The following RTEL1 variants were observed in gnomAD, a reference collection of about 807,000 sequenced individuals.
RTEL1 encodes the protein regulator of telomere elongation helicase 1, also known as regulator of telomere length.
Under a neutral mutation model 162.2 loss-of-function variants are expected in RTEL1, and 86 were observed. The observed-to-expected ratio is 0.53, with a 90% CI of 0.45 to 0.63. The LOEUF (loss-of-function observed/expected upper bound fraction) is 0.63. Among genes scored for constraint, RTEL1 ranks in the 30% least tolerant of loss-of-function variants. RTEL1 has a pLI of 0.00. For missense variants in RTEL1, 1,941 were observed against 1,750.2 expected (o/e 1.11, Z -1.95); for synonymous variants, 958 against 717.9 (o/e 1.33, Z -5.35).
Position 63,672,579 on chromosome 20 carries a change from C to T in RTEL1, c.723C>T (p.Asp241=), listed in dbSNP as rs755475482. 1.8e-5 allele frequency: 28 copies of T among 1,586,228 alleles called. No homozygotes were observed. The highest frequency in any genetic ancestry group is 2.4e-5 in the Non-Finnish European group (28 of 1,164,196). ...AGAGCCGCAGAGCACACAACATTGA[C>T]CTGAAGGGGACAGTCGTGATCTTTG... ...DAKSRRAHNI[D]LKGTVVIFDE... is the part of the protein sequence containing the mutation. Residue 241 remains aspartate (D), a synonymous_variant, in exon 9 of 35, where the codon GAC becomes GAT. Transcript: ENST00000360203.
chr20:63,685,825 C>T lies in RTEL1; in HGVS notation c.1301C>T (p.Thr434Met), dbSNP rs77086616. ...CATCCTGATGCTGGTCACCGGAGGA[C>T]GGCTCAGCGGTCTGATGCCTGGAGC... ...HIHPDAGHRR[T>M]AQRSDAWSTT... The change falls in exon 16 of 35, where the codon ACG (threonine) becomes ATG (methionine). Residue 434 changes from threonine (T) to methionine (M), a missense_variant. Transcript: ENST00000360203. The T allele has an allele frequency of 8.1e-4, 1,314 of 1,612,632 alleles. 18 individuals are homozygous for T. In the East Asian group the frequency reaches 0.017, roughly 21 times the overall value.
At chr20:63,688,422 G>C (rs1246548492) in intron 20 of RTEL1, 36 bp downstream of exon 20, 3 of 1,608,554 alleles carry the variant, frequency 1.9e-6, no homozygotes, top group African/African-American at 2.7e-5. Context: ...GGGTGGGTGA[G>C]GGCAGGGCTG....
intron 28 of RTEL1, chr20:63,692,471 G>A (rs551731024): frequency 7.2e-5 from 28 of 389,830 alleles, no homozygotes; most frequent in East Asian, 1.0e-4. Flanking sequence ...AGCCTCAGCC[G>A]CATCCGCTGT....
At chr20:63,690,034 T>C (rs1441540663) in intron 24 of RTEL1, 53 bp from the exon 25 acceptor site, 12 of 1,590,852 alleles carry the variant, frequency 7.5e-6, no homozygotes, top group East Asian at 6.7e-5. Context: ...TTCGGTGAAC[T>C]GAACCCTTGA....
chr20:63,691,613 C>G lies in RTEL1; in HGVS notation c.2557-129C>G, dbSNP rs139005214. 7.2e-5 allele frequency: 53 copies of G among 739,512 alleles called. No homozygotes were observed. The East Asian group carries it at 1.3e-3, about 19-fold the overall frequency. The allele number at this position is 739,512 out of a possible 1,614,324, so 45.8% of individuals were successfully genotyped here. ...GGCACTGTCACCGGGGTGTGCTGTGCCCCCCTCCCCCGACCTCCATCTTGG... is the reference window on the plus strand; with the variant it reads ...GGCACTGTCACCGGGGTGTGCTGTGGCCCCCTCCCCCGACCTCCATCTTGG... On this transcript the variant is annotated intron_variant, in intron 27 of 34. Transcript: ENST00000360203.
At position 63,696,013 on chromosome 20, in the gene RTEL1, C is replaced by T; in HGVS notation, c.*155C>T. The T allele has an allele frequency of 1.4e-6, 1 of 720,380 alleles. No homozygotes were observed. Among genetic ancestry groups the T allele is most frequent in the Non-Finnish European group, 2.3e-6 (1 of 443,818 alleles). 44.6% of individuals were successfully genotyped at this position (720,380 alleles called of 1,614,324 possible). ...GGCAGGCGGGGCCCATGGTTGGTCC[C>T]TGCGGTGGGACCGGATCTGGGCCTG... On this transcript the variant is annotated 3_prime_UTR_variant, in exon 35 of 35. Coordinates refer to ENST00000360203, the MANE Select transcript of RTEL1 (RefSeq NM_001283009.2).
chr20:63,666,033 C>T lies in RTEL1; in HGVS notation c.568C>T (p.Pro190Ser). 6.2e-7 allele frequency: 1 copy of T among 1,614,026 alleles called. No homozygotes were observed. Among genetic ancestry groups the T allele is most frequent in the Non-Finnish European group, 8.5e-7 (1 of 1,179,952 alleles). ...AAGCCTGGAGCAGGAGCTGGCCAGCCCCATCCTGGACATTGAGGACTTGGT... is the reference window on the plus strand; with the variant it reads ...AAGCCTGGAGCAGGAGCTGGCCAGCTCCATCCTGGACATTGAGGACTTGGT... ...EKSLEQELASPILDIEDLVKS... is the reference protein window; with the variant it reads ...EKSLEQELASSILDIEDLVKS... Residue 190 changes from proline (P) to serine (S), a missense_variant, in exon 7 of 35, where the codon CCC becomes TCC. Coordinates refer to ENST00000360203, the MANE Select transcript of RTEL1 (RefSeq NM_001283009.2).
At chr20:63,680,539 C>G in intron 13 of RTEL1, 125 bp from the exon 14 acceptor site, 1 of 989,886 alleles carries the variant, frequency 1.0e-6, no homozygotes, top group Non-Finnish European at 1.5e-6. Context: ...CCACCCTGGG[C>G]CCCCCATTGG....
intron 14 of RTEL1, among the ~76,000 whole-genome samples, chr20:63,685,303 T>G (rs2090567280): frequency 6.6e-6 from 1 of 152,052 alleles, no homozygotes; most frequent in Admixed American, 6.5e-5. Flanking sequence ...GGAGATGGCC[T>G]ATGTTGGGGG....
At chr20:63,670,405 C>G (rs1429139965) in intron 8 of RTEL1, among the ~76,000 whole-genome samples, 1 of 148,166 alleles carries the variant, frequency 6.7e-6, no homozygotes, top group Non-Finnish European at 1.5e-5. Context: ...GTGGAATGGC[C>G]AGTTAACCAC....
At chr20:63,664,738 C>G (rs1355958477) in intron 6 of RTEL1, among the ~76,000 whole-genome samples, 1 of 152,230 alleles carries the variant, frequency 6.6e-6, no homozygotes, top group East Asian at 1.9e-4. Flanking sequence ...TCAGAGTGGG[C>G]TGCAGCTCCT....
intron 30 of RTEL1, 54 bp from the exon 31 acceptor site, chr20:63,694,316 CAG>C: frequency 1.6e-6 from 2 of 1,246,114 alleles, no homozygotes; most frequent in Non-Finnish European, 2.4e-6. Flanking sequence ...CCCCCCACCC[CAG>C]GGAACTTTCC....
At chr20:63,671,460 A>C (rs1279634953) in intron 8 of RTEL1, among the ~76,000 whole-genome samples, 1 of 151,966 alleles carries the variant, frequency 6.6e-6, no homozygotes, top group African/African-American at 2.4e-5. Flanking sequence ...AACTCAGTAC[A>C]CTTAAAATGA....
chr20:63,680,486 G>A (rs2090457048), intron 13 of RTEL1, among the ~76,000 whole-genome samples, 178 bp from the exon 14 acceptor site: 2 of 152,244 alleles, frequency 1.3e-5, no homozygotes, highest in Non-Finnish European at 2.9e-5. Context: ...CCTGGCTGCT[G>A]GGAAGAGCAG....
At chr20:63,685,649 G>A in intron 15 of RTEL1, 52 bp downstream of exon 15, 2 of 1,594,078 alleles carry the variant, frequency 1.3e-6, no homozygotes, top group Non-Finnish European at 1.7e-6. Context: ...TTCCCCGGCA[G>A]GGCTGGGGGC....
chr20:63,694,924 T>C lies in RTEL1; in HGVS notation c.3293T>C (p.Val1098Ala), dbSNP rs1449868097. Reference sequence around the variant, plus strand: ...GACGACCTCGACAAGGTGCTGGCTGTGTTGGCCGCCCTGACCACTGCAAAG... The same window carrying C: ...GACGACCTCGACAAGGTGCTGGCTGCGTTGGCCGCCCTGACCACTGCAAAG... ...QDDDLDKVLA[V>A]LAALTTAKPE... Residue 1098 changes from valine (V) to alanine (A), a missense_variant, in exon 32 of 35, where the codon GTG becomes GCG. Physicochemically the swap from Val to Ala is moderately conservative, Grantham distance 64. Transcript: ENST00000360203. 14 of 1,612,400 alleles carry C rather than the reference T, an allele frequency of 8.7e-6. No homozygotes were observed. The highest frequency in any genetic ancestry group is 1.3e-5 in the African/African-American group (1 of 74,888).
At chr20:63,674,767 A>G (rs2090315561) in intron 10 of RTEL1, among the ~76,000 whole-genome samples, 1 of 152,090 alleles carries the variant, frequency 6.6e-6, no homozygotes, top group South Asian at 2.1e-4. Context: ...TGACCCACAA[A>G]TCTGGCATGC....
intron 14 of RTEL1, chr20:63,682,062 C>T: frequency 1.0e-6 from 1 of 985,450 alleles, no homozygotes; most frequent in Non-Finnish European, 1.2e-6. Flanking sequence ...CAGCCCAGGG[C>T]CTGGAGGGCA....
intron 28 of RTEL1, 49 bp downstream of exon 28, chr20:63,691,886 G>A: frequency 6.6e-7 from 1 of 1,516,874 alleles, no homozygotes; most frequent in Non-Finnish European, 9.1e-7. Context: ...GACACGCATG[G>A]GAACGCAGCC....
Sources: gnomAD v4.1 joint callset for allele counts (sites outside exome capture counted in the v4.1 genomes callset) on GRCh38, gnomAD v4.1.1 for gene constraint, MANE v1.5 for transcripts, NCBI Gene and HGNC (gene_info 2026-07-23, HGNC 2026-07-21) for gene names.